Variants in DGKB observed in about 807,000 individuals in gnomAD.
DGKB encodes diacylglycerol kinase beta.
A neutral mutation model predicts 114.3 loss-of-function variants in DGKB; 67 were observed. That is an observed-to-expected ratio of 0.59 (90% CI 0.48 to 0.72). The LOEUF (loss-of-function observed/expected upper bound fraction) is 0.72, where lower values mean the gene tolerates loss of function less well. DGKB is among the 30% of genes least tolerant of loss of function. The pLI, the probability that DGKB is intolerant of heterozygous loss-of-function variation, is 0.00. For synonymous variants in DGKB, 398 were observed against 323.1 expected (o/e 1.23, Z -2.49); for missense variants, 907 against 975.2 (o/e 0.93, Z 0.93).
intron 1 of DGKB, among the ~76,000 whole-genome samples, chr7:14,894,054 C>G (rs1781720385): frequency 6.6e-6 from 1 of 150,950 alleles, no homozygotes; most frequent in Admixed American, 6.6e-5. Context: ...AAAATGTGCT[C>G]CAGGGTTTCC....
intron 6 of DGKB, among the ~76,000 whole-genome samples, chr7:14,717,986 G>GA (rs1828498395): frequency 6.6e-6 from 1 of 152,104 alleles, no homozygotes; most frequent in Admixed American, 6.6e-5. Context: ...TATCCGCCAT[G>GA]TCCTAAATTT....
rs879832377 is a variant in DGKB, at chr7:14,803,881, T to C, written c.70+37313A>G. Among the ~76,000 whole-genome samples, 4 of 152,242 alleles carry C rather than the reference T, an allele frequency of 2.6e-5. No homozygotes were observed. The East Asian group carries it at 5.8e-4, about 22-fold the overall frequency. ...GTCTAACGTAGCTCAATATCTTTAT[T>C]ACTGTTCTAAAAGATACTTAGCATG... On this transcript the variant is annotated intron_variant, in intron 2 of 25. Transcript: ENST00000402815.
In DGKB at chr7:14,661,667, A is replaced by C. The variant is rs532121787; in HGVS notation, c.1134+11262T>G. Among the ~76,000 whole-genome samples, 772 of 152,066 alleles carry C rather than the reference A, an allele frequency of 5.1e-3. 11 individuals are homozygous for C. The highest frequency in any genetic ancestry group is 0.018 in the African/African-American group (750 of 41,500). On this transcript the variant is annotated intron_variant, in intron 13 of 25. Transcript: ENST00000402815. ...TGTGGCGATTCCTCAGGGATCTAGA[A>C]CTAGAAATACCATTTGACCCAGCCA...
intron 1 of DGKB, among the ~76,000 whole-genome samples, chr7:14,919,494 A>G (rs1395280941): frequency 1.3e-5 from 2 of 152,208 alleles, no homozygotes; most frequent in Non-Finnish European, 2.9e-5. Flanking sequence ...AATTCAAAAC[A>G]GATTATAGGA....
chr7:14,912,894 A>G (rs982711873), intron 1 of DGKB, among the ~76,000 whole-genome samples: 1 of 152,060 alleles, frequency 6.6e-6, no homozygotes, highest in African/African-American at 2.4e-5. Flanking sequence ...GTTCCTTTTA[A>G]GTTATCCCTC....
chr7:14,245,029 G>T (rs1331731128), intron 23 of DGKB, among the ~76,000 whole-genome samples: 1 of 152,042 alleles, frequency 6.6e-6, no homozygotes, highest in African/African-American at 2.4e-5. Context: ...ACATATGCGG[G>T]AGAGTCATGT....
chr7:14,618,824 T>C (rs911644137), intron 15 of DGKB, among the ~76,000 whole-genome samples: 1 of 151,428 alleles, frequency 6.6e-6, no homozygotes, highest in Admixed American at 6.6e-5. Flanking sequence ...GCAGTGTAGA[T>C]CTCTTCTGTC....
intron 21 of DGKB, among the ~76,000 whole-genome samples, chr7:14,418,682 G>A (rs1384863201): frequency 6.6e-6 from 1 of 151,836 alleles, no homozygotes; most frequent in Admixed American, 6.6e-5. Flanking sequence ...TAGGCTTGCA[G>A]TCAAAACATC....
At chr7:14,476,807 T>G (rs1187107709) in intron 21 of DGKB, among the ~76,000 whole-genome samples, 3 of 149,072 alleles carry the variant, frequency 2.0e-5, no homozygotes, top group South Asian at 2.1e-4. Flanking sequence ...CAGGCTGGAG[T>G]GCAATGGTGC....
At chr7:14,568,280 T>C (rs903499158) in intron 20 of DGKB, among the ~76,000 whole-genome samples, 4 of 152,300 alleles carry the variant, frequency 2.6e-5, no homozygotes, top group Middle Eastern at 3.4e-3. Context: ...TTAATTATGA[T>C]TTCAGGATCA....
chr7:14,753,873 C>A (rs758007865), intron 4 of DGKB, 55 bp downstream of exon 4: 4 of 1,055,366 alleles, frequency 3.8e-6, no homozygotes, highest in Middle Eastern at 2.0e-4. Context: ...ATTCATAGAT[C>A]ATATCAGAAT....
At chr7:14,506,593 A>G (rs541971496) in intron 20 of DGKB, among the ~76,000 whole-genome samples, 15 of 152,276 alleles carry the variant, frequency 9.9e-5, no homozygotes, top group African/African-American at 3.6e-4. Flanking sequence ...TCATTCATTC[A>G]CAAAACAAAG....
chr7:14,546,009 T>C (rs978220975), intron 20 of DGKB, among the ~76,000 whole-genome samples: 3 of 152,128 alleles, frequency 2.0e-5, no homozygotes, highest in African/African-American at 7.2e-5. Flanking sequence ...ACTGAATGTT[T>C]TCTAAGCAAA....
chr7:14,964,074 T>C (rs1275584633), intron 1 of DGKB, among the ~76,000 whole-genome samples: 4 of 152,126 alleles, frequency 2.6e-5, no homozygotes, highest in Admixed American at 2.0e-4. Flanking sequence ...GGTTTTACTT[T>C]GGAGGTGATG....
At chr7:14,956,530 G>A (rs556055694) in intron 1 of DGKB, among the ~76,000 whole-genome samples, 31 of 152,000 alleles carry the variant, frequency 2.0e-4, no homozygotes, top group Non-Finnish European at 4.0e-4. Context: ...TAGGGGATGT[G>A]AAAATGAACT....
In DGKB at chr7:14,219,960, CACTT is replaced by C. The variant is rs142668825; in HGVS notation, c.2123-41813_2123-41810del. Among the ~76,000 whole-genome samples, 721 of 151,796 alleles carry C rather than the reference CACTT, an allele frequency of 4.7e-3. 11 individuals are homozygous for C. In the East Asian group the frequency reaches 0.069, roughly 15 times the overall value. On this transcript the variant is annotated intron_variant, in intron 23 of 25. Transcript: ENST00000402815. ...TTAATTTTTCTATACAGTCATGTGTCACTTAATGAGTGGACTACTTTCTGAGAAA... is the reference window on the plus strand; with the variant it reads ...TTAATTTTTCTATACAGTCATGTGTCAATGAGTGGACTACTTTCTGAGAAA...
intron 23 of DGKB, among the ~76,000 whole-genome samples, chr7:14,232,399 C>T (rs1372049041): frequency 6.7e-6 from 1 of 150,252 alleles, no homozygotes. Context: ...AATTTAATCT[C>T]TTCAGGGGTT....
At chr7:14,911,679 T>G (rs9655116) in intron 1 of DGKB, among the ~76,000 whole-genome samples, 36,015 of 152,062 alleles carry the variant, frequency 0.24, 6,812 homozygotes, top group East Asian at 0.81. Flanking sequence ...GAAAGATGTA[T>G]GTGTCCACCT....
chr7:14,776,895 A>C (rs572082335), intron 2 of DGKB, among the ~76,000 whole-genome samples: 1 of 152,256 alleles, frequency 6.6e-6, no homozygotes, highest in African/African-American at 2.4e-5. Context: ...ATGTGCCTGG[A>C]AAAGCCACAG....
Sources: allele counts gnomAD v4.1 joint callset (sites outside exome capture counted in the v4.1 genomes callset), GRCh38; gene constraint gnomAD v4.1.1; transcripts MANE v1.5; gene names NCBI Gene and HGNC (gene_info 2026-07-23, HGNC 2026-07-21).